GNPTAB: variants seen among roughly 807,000 people sequenced by gnomAD.
GNPTAB encodes the protein N-acetylglucosamine-1-phosphate transferase subunits alpha and beta, also known as N-acetylglucosamine-1-phosphotransferase subunits alpha/beta.
GNPTAB carries 92 observed loss-of-function variants against 136.6 expected under a neutral mutation model. That is an observed-to-expected ratio of 0.67 (90% CI 0.57 to 0.80). GNPTAB has a LOEUF of 0.80. Ranked by LOEUF, GNPTAB falls within the 30% of genes least tolerant of loss-of-function variation. The pLI is 0.00. For missense variants in GNPTAB, 1,343 were observed against 1,501.8 expected (o/e 0.89, Z 1.75); for synonymous variants, 512 against 535.1 (o/e 0.96, Z 0.60).
At chr12:101,769,939 G>A (rs1186422552) in intron 10 of GNPTAB, 82 bp downstream of exon 10, 5 of 1,309,822 alleles carry the variant, frequency 3.8e-6, no homozygotes, top group Admixed American at 1.7e-5. Flanking sequence ...CCTGATATTT[G>A]ACTACAGTAG....
Position 101,798,141 on chromosome 12 carries a change from A to G in GNPTAB, c.118-1379T>C, listed in dbSNP as rs1182685076. On this transcript the variant is annotated intron_variant, in intron 1 of 20. Coordinates refer to ENST00000299314, the MANE Select transcript of GNPTAB (RefSeq NM_024312.5). ...CCTTACCAAGGCCCCCACATTGTCA[A>G]ACTCAACGGCATTTTCCTCATCTCT... Among the ~76,000 whole-genome samples the G allele has an allele frequency of 2.0e-5, 3 of 152,136 alleles. No homozygotes were observed. In the East Asian group the frequency reaches 5.8e-4, roughly 29 times the overall value.
chr12:101,789,860 T>G, intron 3 of GNPTAB, 78 bp downstream of exon 3: 1 of 1,315,398 alleles, frequency 7.6e-7, no homozygotes, highest in South Asian at 1.2e-5. Flanking sequence ...TTCATGCTCA[T>G]ATGTGAGATG....
chr12:101,808,375 TAAAAAAAAA>T (rs779978335), intron 1 of GNPTAB, among the ~76,000 whole-genome samples: 1 of 106,716 alleles, frequency 9.4e-6, no homozygotes, highest in Non-Finnish European at 1.9e-5. Context: ...CCCGGGCAAT[TAAAAAAAAA>T]AAAAAAAAAA....
At chr12:101,825,283 T>G (rs538528078) in intron 1 of GNPTAB, among the ~76,000 whole-genome samples, 1 of 152,196 alleles carries the variant, frequency 6.6e-6, no homozygotes, top group Non-Finnish European at 1.5e-5. Context: ...CATCTTCCAC[T>G]GTACAGTCTA....
At chr12:101,804,276 C>A (rs1364558098) in intron 1 of GNPTAB, among the ~76,000 whole-genome samples, 2 of 150,230 alleles carry the variant, frequency 1.3e-5, no homozygotes, top group Middle Eastern at 3.4e-3. Flanking sequence ...ATATAAAAGT[C>A]ATATCTAAAA....
chr12:101,791,669 G>A (rs1453728276), intron 2 of GNPTAB, among the ~76,000 whole-genome samples: 1 of 152,106 alleles, frequency 6.6e-6, no homozygotes, highest in Non-Finnish European at 1.5e-5. Context: ...TTTAGGCCAA[G>A]GACCAAAGCA....
At chr12:101,824,405 C>CAT (rs373112951) in intron 1 of GNPTAB, among the ~76,000 whole-genome samples, 3,116 of 47,682 alleles carry the variant, frequency 0.065, 217 homozygotes, top group African/African-American at 0.18. Flanking sequence ...GAAATTTCAC[C>CAT]ATATATATAT....
In GNPTAB at chr12:101,784,323, G is replaced by A. The variant is rs115022211; in HGVS notation, c.571+1689C>T. Reference sequence around the variant, plus strand: ...AGGGAAGGGGAAGGGGACAGGCAGTGGGACACAAGGCCTAGCACCACATGT... The same window carrying A: ...AGGGAAGGGGAAGGGGACAGGCAGTAGGACACAAGGCCTAGCACCACATGT... On this transcript the variant is annotated intron_variant, in intron 5 of 20. Coordinates refer to ENST00000299314, the MANE Select transcript of GNPTAB (RefSeq NM_024312.5). Among the ~76,000 whole-genome samples the A allele has an allele frequency of 1.8e-3, 273 of 152,306 alleles. 2 individuals carry two copies. The highest frequency in any genetic ancestry group is 6.3e-3 in the African/African-American group (261 of 41,568).
intron 1 of GNPTAB, among the ~76,000 whole-genome samples, chr12:101,814,421 A>C (rs184463847): frequency 1.3e-5 from 2 of 152,318 alleles, no homozygotes; most frequent in Admixed American, 1.3e-4. Context: ...TTTAGGCTGG[A>C]CGCAGTGGCT....
intron 1 of GNPTAB, among the ~76,000 whole-genome samples, chr12:101,827,105 C>A (rs1009269878): frequency 6.6e-6 from 1 of 151,832 alleles, no homozygotes; most frequent in African/African-American, 2.4e-5. Context: ...CAGGCATGTG[C>A]CACCACACCT....
At chr12:101,780,336 G>A in intron 6 of GNPTAB, 50 bp from the exon 7 acceptor site, 2 of 1,594,696 alleles carry the variant, frequency 1.3e-6, no homozygotes, top group South Asian at 2.2e-5. Context: ...TGAGGCTGGT[G>A]AAAACCTACA....
intron 1 of GNPTAB, among the ~76,000 whole-genome samples, chr12:101,804,208 G>A (rs753330450): frequency 6.6e-6 from 1 of 151,910 alleles, no homozygotes; most frequent in African/African-American, 2.4e-5. Context: ...GAGTGAGACT[G>A]TCTCAAAAAA....
chr12:101,774,520 A>T (rs1333571834), intron 7 of GNPTAB, among the ~76,000 whole-genome samples: 1 of 152,250 alleles, frequency 6.6e-6, no homozygotes, highest in Non-Finnish European at 1.5e-5. Flanking sequence ...TGTACAGTGT[A>T]TCACATAGGA....
intron 7 of GNPTAB, among the ~76,000 whole-genome samples, chr12:101,775,363 T>TC (rs1411597628): frequency 2.9e-3 from 271 of 94,926 alleles, no homozygotes; most frequent in African/African-American, 0.014. Context: ...GATCTTTTTT[T>TC]TCTTTTTTTT....
At chr12:101,757,350 AT>A (rs1952917002) in intron 17 of GNPTAB, 40 bp from the exon 18 acceptor site, 1 of 1,167,974 alleles carries the variant, frequency 8.6e-7, no homozygotes, top group African/African-American at 1.6e-5. Context: ...AAATAATTAC[AT>A]GGATATAAAA....
rs114629028 is a variant in GNPTAB at position 101,759,718 on chromosome 12, T to C, written c.3249+312A>G. On this transcript the variant is annotated intron_variant, in intron 16 of 20. Transcript: ENST00000299314. The stretch of plus-strand genomic sequence containing the variant: ...TTCCATGTGATGAATATTTCCTTGA[T>C]GGTTAAACCTCAGGATTGTTCTCTC... 2.5e-3 allele frequency among the ~76,000 whole-genome samples: 380 copies of C among 152,346 alleles called. 5 individuals are homozygous for C. Among genetic ancestry groups the C allele is most frequent in the African/African-American group, 8.1e-3 (335 of 41,582 alleles).
intron 1 of GNPTAB, among the ~76,000 whole-genome samples, chr12:101,819,195 A>G (rs968365707): frequency 3.3e-5 from 5 of 152,130 alleles, no homozygotes; most frequent in Non-Finnish European, 5.9e-5. Context: ...TATTTTTGGT[A>G]GAGACAGGGT....
intron 18 of GNPTAB, among the ~76,000 whole-genome samples, chr12:101,754,431 A>G (rs2137103155): frequency 6.6e-6 from 1 of 151,354 alleles, no homozygotes; most frequent in East Asian, 2.1e-4. Context: ...ACTCTGTCTC[A>G]AAAAGATTAA....
intron 5 of GNPTAB, among the ~76,000 whole-genome samples, chr12:101,781,018 AG>A (rs1953334712): frequency 6.6e-6 from 1 of 152,212 alleles, no homozygotes; most frequent in Non-Finnish European, 1.5e-5. Flanking sequence ...GGGTAACCAA[AG>A]GGGCCCTTGA....
Sources: gnomAD v4.1 joint callset for allele counts (sites outside exome capture counted in the v4.1 genomes callset) on GRCh38, gnomAD v4.1.1 for gene constraint, MANE v1.5 for transcripts, NCBI Gene and HGNC (gene_info 2026-07-23, HGNC 2026-07-21) for gene names.